LRFN5: variants seen among roughly 807,000 people sequenced by gnomAD.
LRFN5 encodes leucine-rich repeat and fibronectin type-III domain-containing protein 5.
In LRFN5, 24 loss-of-function variants were observed where a neutral mutation model predicts 45.6. The observed-to-expected ratio is 0.53, with a 90% CI of 0.38 to 0.74. LRFN5 has a LOEUF of 0.74. Ranked by LOEUF, LRFN5 falls within the 30% of genes least tolerant of loss-of-function variation. LRFN5 has a pLI of 0.00. For missense variants in LRFN5, 776 were observed against 861.5 expected, an observed-to-expected ratio of 0.90 and a Z score of 1.24; for synonymous variants, 340 against 313.8, an observed-to-expected ratio of 1.08 and a Z score of -0.88.
intron 1 of LRFN5, among the ~76,000 whole-genome samples, chr14:41,672,167 G>C (rs1412825887): frequency 1.3e-5 from 2 of 152,046 alleles, no homozygotes; most frequent in South Asian, 4.1e-4. Flanking sequence ...CTCACTAGAC[G>C]TTAGGATTAA....
intron 1 of LRFN5, among the ~76,000 whole-genome samples, chr14:41,680,094 A>G (rs549182516): frequency 6.6e-6 from 1 of 152,282 alleles, no homozygotes; most frequent in African/African-American, 2.4e-5. Flanking sequence ...GATCAGCCTC[A>G]GTAGAATAGA....
At chr14:41,748,189 A>G (rs1884996327) in intron 1 of LRFN5, among the ~76,000 whole-genome samples, 1 of 152,106 alleles carries the variant, frequency 6.6e-6, no homozygotes, top group Admixed American at 6.6e-5. Context: ...TGGAAAGAAT[A>G]GAAAGCAAGA....
chr14:41,652,231 T>A (rs1451947622), intron 1 of LRFN5, among the ~76,000 whole-genome samples: 1 of 152,110 alleles, frequency 6.6e-6, no homozygotes, highest in Admixed American at 6.6e-5. Flanking sequence ...AGTGATATAA[T>A]CTTTCAACAT....
At chr14:41,726,796 T>G (rs1454984157) in intron 1 of LRFN5, among the ~76,000 whole-genome samples, 4 of 152,186 alleles carry the variant, frequency 2.6e-5, no homozygotes, top group Non-Finnish European at 5.9e-5. Flanking sequence ...TGGGTAATAT[T>G]TTAATAGATC....
chr14:41,727,035 C>A (rs987064701), intron 1 of LRFN5, among the ~76,000 whole-genome samples: 6 of 152,084 alleles, frequency 3.9e-5, no homozygotes, highest in Non-Finnish European at 7.4e-5. Context: ...GAAACTTGTG[C>A]ACTATGCAAT....
intron 1 of LRFN5, among the ~76,000 whole-genome samples, chr14:41,753,145 A>G (rs1221110781): frequency 1.3e-5 from 2 of 151,816 alleles, no homozygotes; most frequent in African/African-American, 4.8e-5. Context: ...TGGTACCAGT[A>G]CCATGCTGTT....
At chr14:41,748,567 A>G (rs550935449) in intron 1 of LRFN5, among the ~76,000 whole-genome samples, 1 of 152,208 alleles carries the variant, frequency 6.6e-6, no homozygotes, top group South Asian at 2.1e-4. Context: ...AGAGTTCTGG[A>G]GAAGAGTGGT....
At chr14:41,803,631 G>C (rs1277488612) in intron 2 of LRFN5, among the ~76,000 whole-genome samples, 2 of 151,978 alleles carry the variant, frequency 1.3e-5, no homozygotes, top group East Asian at 3.9e-4. Flanking sequence ...ACAGGGATGA[G>C]CCACCATACC....
chr14:41,640,717 T>C (rs1247001029), intron 1 of LRFN5, among the ~76,000 whole-genome samples: 1 of 152,134 alleles, frequency 6.6e-6, no homozygotes, highest in Non-Finnish European at 1.5e-5. Context: ...GCAAAAACTA[T>C]TGTACAAATA....
At chr14:41,809,510 A>G (rs1023610588) in intron 2 of LRFN5, among the ~76,000 whole-genome samples, 22 of 152,014 alleles carry the variant, frequency 1.4e-4, no homozygotes, top group African/African-American at 5.1e-4. Flanking sequence ...AAAAAGTCTA[A>G]TTTTATAAAA....
chr14:41,639,373 T>A (rs1879459239), intron 1 of LRFN5, among the ~76,000 whole-genome samples: 1 of 152,070 alleles, frequency 6.6e-6, no homozygotes, highest in Non-Finnish European at 1.5e-5. Context: ...AAAAAGAAGG[T>A]CATGGTTCAA....
chr14:41,859,615 T>C (rs975230560), intron 2 of LRFN5, among the ~76,000 whole-genome samples: 1 of 152,210 alleles, frequency 6.6e-6, no homozygotes, highest in African/African-American at 2.4e-5. Context: ...GTGCTATAAA[T>C]GAGTTCAAAT....
intron 3 of LRFN5, 33 bp from the exon 4 acceptor site, chr14:41,891,217 A>G: frequency 6.4e-7 from 1 of 1,551,352 alleles, no homozygotes; most frequent in Non-Finnish European, 8.8e-7. Context: ...TTGTTTTGTT[A>G]TTAATATTAA....
intron 1 of LRFN5, among the ~76,000 whole-genome samples, chr14:41,746,978 A>G (rs935162885): frequency 6.6e-6 from 1 of 151,970 alleles, no homozygotes; most frequent in African/African-American, 2.4e-5. Context: ...AGAATAAAAG[A>G]GTTAGGAATA....
Position 41,886,718 on chromosome 14 carries a change from T to C in LRFN5, c.93T>C (p.Pro31=). 1.9e-6 allele frequency: 3 copies of C among 1,614,216 alleles called. No homozygotes were observed. The highest frequency in any genetic ancestry group is 2.5e-6 in the Non-Finnish European group (3 of 1,180,034). ...PKRCVCQILS[P]NLATLCAKKG... is the part of the protein sequence containing the mutation. ...GTTGTGTCTGTCAGATTTTGTCTCC[T>C]AATCTTGCAACCCTTTGTGCCAAGA... Residue 31 remains proline (P), a synonymous_variant, in exon 3 of 6, where the codon CCT becomes CCC. Transcript: ENST00000298119.
chr14:41,810,946 T>G (rs1327212980), intron 2 of LRFN5, among the ~76,000 whole-genome samples: 1 of 151,800 alleles, frequency 6.6e-6, no homozygotes, highest in Non-Finnish European at 1.5e-5. Context: ...TTTATGAAAA[T>G]AAAAATGATA....
At chr14:41,846,968 A>C (rs1166444123) in intron 2 of LRFN5, among the ~76,000 whole-genome samples, 1 of 152,012 alleles carries the variant, frequency 6.6e-6, no homozygotes, top group African/African-American at 2.4e-5. Context: ...TTCCATCTTC[A>C]AGCTTCTTTT....
intron 1 of LRFN5, among the ~76,000 whole-genome samples, chr14:41,629,970 A>G (rs951439168): frequency 1.3e-5 from 2 of 152,076 alleles, no homozygotes; most frequent in Admixed American, 6.6e-5. Flanking sequence ...TTCTATTTAC[A>G]TATGAGACAG....
intron 2 of LRFN5, among the ~76,000 whole-genome samples, chr14:41,843,269 T>C (rs189059077): frequency 2.6e-5 from 4 of 152,028 alleles, no homozygotes; most frequent in Admixed American, 1.3e-4. Flanking sequence ...ATTCTAAATT[T>C]GTTTTGTAGA....
Sources: allele counts gnomAD v4.1 joint callset (sites outside exome capture counted in the v4.1 genomes callset), GRCh38; gene constraint gnomAD v4.1.1; transcripts MANE v1.5; gene names NCBI Gene and HGNC (gene_info 2026-07-23, HGNC 2026-07-21).